NRXN3: variants seen among roughly 807,000 people sequenced by gnomAD.
NRXN3 encodes neurexin III.
In NRXN3, 32 loss-of-function variants were observed where a neutral mutation model predicts 137.6. The ratio of observed to expected loss-of-function variants is 0.23; its 90% CI spans 0.18 to 0.31. NRXN3 has a LOEUF of 0.31. Ranked by LOEUF, NRXN3 falls within the 10% of genes least tolerant of loss-of-function variation. NRXN3 has a pLI of 1.00. For synonymous variants in NRXN3, 798 were observed against 784.5 expected (o/e 1.02, Z -0.29); for missense variants, 1,574 against 2,062.5 (o/e 0.76, Z 4.59).
chr14:78,605,764 G>C (rs1485217816), intron 4 of NRXN3, among the ~76,000 whole-genome samples: 1 of 152,076 alleles, frequency 6.6e-6, no homozygotes, highest in East Asian at 1.9e-4. Flanking sequence ...GTGTTAAATG[G>C]TGTAGTAGTA....
At chr14:79,767,540 T>C (rs2099060168) in intron 19 of NRXN3, among the ~76,000 whole-genome samples, 1 of 152,242 alleles carries the variant, frequency 6.6e-6, no homozygotes, top group Admixed American at 6.5e-5. Flanking sequence ...TGTTCCTTTC[T>C]TCCTAATAAG....
At chr14:79,500,934 A>G (rs1472383796) in intron 16 of NRXN3, among the ~76,000 whole-genome samples, 2 of 152,228 alleles carry the variant, frequency 1.3e-5, no homozygotes, top group African/African-American at 2.4e-5. Flanking sequence ...TGACTAATAC[A>G]TAAGTTATGT....
At chr14:79,857,077 A>C (rs1467060163) in intron 20 of NRXN3, among the ~76,000 whole-genome samples, 3 of 152,182 alleles carry the variant, frequency 2.0e-5, no homozygotes. Flanking sequence ...TTTTGTAGGC[A>C]TGGGACACAT....
chr14:79,180,761 T>C (rs1481212624), intron 15 of NRXN3, among the ~76,000 whole-genome samples: 1 of 152,100 alleles, frequency 6.6e-6, no homozygotes, highest in Non-Finnish European at 1.5e-5. Context: ...TTGATAATAA[T>C]AATAAATATT....
At chr14:78,982,739 A>T (rs1486942975) in intron 14 of NRXN3, among the ~76,000 whole-genome samples, 1 of 152,202 alleles carries the variant, frequency 6.6e-6, no homozygotes, top group Non-Finnish European at 1.5e-5. Context: ...TTTCTGGGCA[A>T]GGATTTCTTG....
At chr14:78,926,886 TTA>T (rs369031895) in intron 10 of NRXN3, among the ~76,000 whole-genome samples, 4,107 of 21,988 alleles carry the variant, frequency 0.19, 788 homozygotes, top group Admixed American at 0.31. Flanking sequence ...TATAATATAT[TTA>T]TATATATATA....
At chr14:78,940,058 G>A (rs899401272) in intron 10 of NRXN3, among the ~76,000 whole-genome samples, 2 of 152,132 alleles carry the variant, frequency 1.3e-5, no homozygotes, top group Non-Finnish European at 2.9e-5. Context: ...TTTCAGTACA[G>A]CAGGTTCTTG....
intron 20 of NRXN3, among the ~76,000 whole-genome samples, chr14:79,855,045 CT>C (rs901427963): frequency 3.3e-5 from 5 of 152,130 alleles, no homozygotes; most frequent in Non-Finnish European, 7.4e-5. Flanking sequence ...GTCTCTTCTC[CT>C]TTTCCCTTTT....
At chr14:79,004,969 C>T (rs2099549387) in intron 15 of NRXN3, among the ~76,000 whole-genome samples, 1 of 152,128 alleles carries the variant, frequency 6.6e-6, no homozygotes, top group Non-Finnish European at 1.5e-5. Context: ...TTGCATTGTC[C>T]TTGGTGACTT....
intron 4 of NRXN3, among the ~76,000 whole-genome samples, chr14:78,340,374 G>A (rs1356915829): frequency 6.6e-6 from 1 of 152,188 alleles, no homozygotes; most frequent in Non-Finnish European, 1.5e-5. Flanking sequence ...TGGGACAGGG[G>A]AAGTATATCA....
chr14:78,815,138 A>G (rs567444158), intron 10 of NRXN3, among the ~76,000 whole-genome samples: 8 of 152,304 alleles, frequency 5.3e-5, no homozygotes, highest in Non-Finnish European at 8.8e-5. Flanking sequence ...CTCTCTCACT[A>G]ATTACTTTGA....
At chr14:79,544,825 T>C (rs779287061) in intron 16 of NRXN3, among the ~76,000 whole-genome samples, 7 of 152,200 alleles carry the variant, frequency 4.6e-5, no homozygotes, top group Non-Finnish European at 1.0e-4. Context: ...AACTATTGAA[T>C]CAGAAATTCT....
intron 20 of NRXN3, among the ~76,000 whole-genome samples, chr14:79,840,415 A>T (rs1337272600): frequency 2.0e-5 from 3 of 151,822 alleles, no homozygotes; most frequent in Non-Finnish European, 4.4e-5. Flanking sequence ...ATCAATTCTC[A>T]TTATGCAATT....
intron 16 of NRXN3, among the ~76,000 whole-genome samples, chr14:79,548,758 A>AC (rs1481464989): frequency 6.6e-6 from 1 of 151,574 alleles, no homozygotes; most frequent in African/African-American, 2.4e-5. Context: ...AAAAAAAAAA[A>AC]AAACAAAAAA....
intron 16 of NRXN3, among the ~76,000 whole-genome samples, chr14:79,497,060 T>C (rs999120989): frequency 6.6e-6 from 1 of 152,184 alleles, no homozygotes; most frequent in Non-Finnish European, 1.5e-5. Flanking sequence ...CAAGCTTATA[T>C]GTGTGATAAG....
At chr14:78,506,733 A>AATCATAGCATGCT (rs2096002557) in intron 4 of NRXN3, among the ~76,000 whole-genome samples, 1 of 148,782 alleles carries the variant, frequency 6.7e-6, no homozygotes, top group Admixed American at 6.8e-5. Flanking sequence ...TCACAGGCAC[A>AATCATAGCATGCT]ATCATAGCAT....
intron 1 of NRXN3, among the ~76,000 whole-genome samples, chr14:78,181,751 C>T (rs2059828237): frequency 6.6e-6 from 1 of 152,110 alleles, no homozygotes; most frequent in Admixed American, 6.5e-5. Flanking sequence ...TACTTTGGGG[C>T]TCATTTTAAA....
chr14:79,637,729 C>CTTTTTTGTTTTTTT (rs2098411954), intron 16 of NRXN3, among the ~76,000 whole-genome samples: 1 of 95,622 alleles, frequency 1.0e-5, no homozygotes, highest in African/African-American at 5.4e-5. Flanking sequence ...TAGAAAAGTT[C>CTTTTTTGTTTTTTT]TTTTTTTTTT....
intron 15 of NRXN3, among the ~76,000 whole-genome samples, chr14:79,140,231 A>G (rs1293260677): frequency 6.6e-6 from 1 of 152,294 alleles, no homozygotes; most frequent in East Asian, 1.9e-4. Flanking sequence ...AATTACTGAT[A>G]GATTCTTGGT....
Sources: gnomAD v4.1 joint callset for allele counts (sites outside exome capture counted in the v4.1 genomes callset) on GRCh38, gnomAD v4.1.1 for gene constraint, MANE v1.5 for transcripts, NCBI Gene and HGNC (gene_info 2026-07-23, HGNC 2026-07-21) for gene names.